CDH18: variants seen among roughly 807,000 people sequenced by gnomAD.
CDH18 encodes cadherin 18, also known as cadherin-18.
Under a neutral mutation model 67.9 loss-of-function variants are expected in CDH18, and 31 were observed. The ratio of observed to expected loss-of-function variants is 0.46; its 90% confidence interval spans 0.34 to 0.62. CDH18 has a LOEUF of 0.62. Among genes scored for constraint, CDH18 ranks in the 20% least tolerant of loss-of-function variants. CDH18 has a pLI of 0.01. For synonymous variants in CDH18, 362 were observed against 347.2 expected (o/e 1.04, Z -0.48); for missense variants, 890 against 975.5 (o/e 0.91, Z 1.17).
intron 2 of CDH18, among the ~76,000 whole-genome samples, chr5:19,856,528 A>C (rs2149954768): frequency 6.6e-6 from 1 of 152,266 alleles, no homozygotes; most frequent in Non-Finnish European, 1.5e-5. Context: ...AGATTTGTAA[A>C]GTATCACTGT....
At chr5:20,305,172 T>C in intron 1 of CDH18, 1 of 1,433,956 alleles carries the variant, frequency 7.0e-7, no homozygotes. Context: ...GGGCGCTGGT[T>C]ATGTTGTTTC....
chr5:19,640,338 G>A (rs1358930888), intron 5 of CDH18, among the ~76,000 whole-genome samples: 1 of 152,094 alleles, frequency 6.6e-6, no homozygotes, highest in Non-Finnish European at 1.5e-5. Context: ...TTATATGTGG[G>A]TGAGGAGTAA....
At chr5:20,016,686 G>C (rs1737911070) in intron 2 of CDH18, among the ~76,000 whole-genome samples, 1 of 152,092 alleles carries the variant, frequency 6.6e-6, no homozygotes, top group Admixed American at 6.6e-5. Flanking sequence ...CCAATATTTA[G>C]TGAACAATGC....
intron 2 of CDH18, among the ~76,000 whole-genome samples, chr5:20,027,103 C>CT (rs1291486692): frequency 6.6e-6 from 1 of 151,514 alleles, no homozygotes; most frequent in African/African-American, 2.4e-5. Flanking sequence ...TACCTTGTTG[C>CT]TTTTATAAAT....
rs1379565564 is a variant in CDH18 at position 19,994,734 on chromosome 5, TATATAGAGAGAGAGAGAGAG to T, written c.-517-2740_-517-2721del. ...ATATATATATATATATATATATATA[TATATAGAGAGAGAGAGAGAG>T]AGAGAGAGAGAGAGAGAGAGAGAGA... On this transcript the variant is annotated intron_variant, in intron 2 of 14. Coordinates refer to the CDH18 transcript ENST00000507958. 6.5e-3 allele frequency among the ~76,000 whole-genome samples: 64 copies of T among 9,910 alleles called. 2 individuals carry two copies. The highest frequency in any genetic ancestry group is 0.011 in the African/African-American group (25 of 2,306). 6.5% of individuals were successfully genotyped at this position (9,910 alleles called of 152,430 possible). A position where few individuals can be genotyped will look rare whatever the true frequency, so the allele number is the denominator to read the frequency against.
intron 1 of CDH18, among the ~76,000 whole-genome samples, chr5:20,374,201 A>G (rs1050293359): frequency 6.6e-6 from 1 of 152,188 alleles, no homozygotes; most frequent in African/African-American, 2.4e-5. Context: ...TCTGTTCCCC[A>G]ACCACTACAC....
intron 5 of CDH18, among the ~76,000 whole-genome samples, chr5:19,623,545 T>C (rs1751025555): frequency 6.6e-6 from 1 of 152,164 alleles, no homozygotes; most frequent in Admixed American, 6.6e-5. Flanking sequence ...TATAGACATA[T>C]GATGCTTATT....
intron 1 of CDH18, chr5:20,305,292 A>G: frequency 6.7e-7 from 1 of 1,502,540 alleles, no homozygotes; most frequent in African/African-American, 1.4e-5. Context: ...AGCCTCCTCT[A>G]CTGTCAGATT....
intron 2 of CDH18, among the ~76,000 whole-genome samples, chr5:20,154,926 C>T (rs1480385307): frequency 2.0e-5 from 3 of 152,120 alleles, no homozygotes; most frequent in Non-Finnish European, 4.4e-5. Flanking sequence ...CTTGAAGACA[C>T]TGCATTTTTT....
chr5:20,055,760 T>G (rs1741843211), intron 2 of CDH18, among the ~76,000 whole-genome samples: 1 of 152,178 alleles, frequency 6.6e-6, no homozygotes, highest in Non-Finnish European at 1.5e-5. Context: ...TAGAGGATTT[T>G]TTTGAAGAAA....
At chr5:19,798,310 G>A (rs185892447) in intron 3 of CDH18, among the ~76,000 whole-genome samples, 31 of 151,840 alleles carry the variant, frequency 2.0e-4, no homozygotes, top group Admixed American at 1.3e-3. Context: ...TGCCAATGAG[G>A]GGTATTGGGA....
chr5:20,228,187 T>C (rs1007592850), intron 2 of CDH18, among the ~76,000 whole-genome samples: 1 of 152,032 alleles, frequency 6.6e-6, no homozygotes, highest in Non-Finnish European at 1.5e-5. Context: ...CTTGAACTCA[T>C]ATTTTTGCCA....
intron 2 of CDH18, among the ~76,000 whole-genome samples, chr5:20,057,238 C>T (rs983581823): frequency 6.6e-6 from 1 of 151,902 alleles, no homozygotes; most frequent in African/African-American, 2.4e-5. Flanking sequence ...TAATCCCTAT[C>T]ATGACAATCA....
chr5:19,670,502 C>T lies in CDH18; in HGVS notation c.643+50845G>A, dbSNP rs188327315. Among the ~76,000 whole-genome samples, 316 of 152,132 alleles carry T rather than the reference C, an allele frequency of 2.1e-3. 1 individual carries two copies. Among genetic ancestry groups the T allele is most frequent in the South Asian group, 4.2e-3 (20 of 4,816 alleles). ...CCTGTGCCATGCAGGACAAATGTAA[C>T]GTTTATCTCTAAGGATTGGAGAATA... On this transcript the variant is annotated intron_variant, in intron 5 of 12. Coordinates refer to ENST00000382275, the MANE Select transcript of CDH18 (RefSeq NM_004934.5).
chr5:19,477,639 T>C (rs901501190), intron 12 of CDH18, among the ~76,000 whole-genome samples: 2 of 152,062 alleles, frequency 1.3e-5, no homozygotes, highest in African/African-American at 4.8e-5. Flanking sequence ...TGAGTGCAGA[T>C]AATAATTATA....
At chr5:19,756,393 C>A (rs971044018) in intron 3 of CDH18, among the ~76,000 whole-genome samples, 1 of 152,170 alleles carries the variant, frequency 6.6e-6, no homozygotes, top group Non-Finnish European at 1.5e-5. Flanking sequence ...CTTCTACTAC[C>A]TATTCTGTAT....
At chr5:20,410,193 T>C (rs896986949) in intron 1 of CDH18, among the ~76,000 whole-genome samples, 5 of 25,048 alleles carry the variant, frequency 2.0e-4, no homozygotes, top group African/African-American at 3.9e-4. Flanking sequence ...AAAGGAAAAC[T>C]ACAGACAATA....
intron 5 of CDH18, among the ~76,000 whole-genome samples, chr5:19,649,605 A>G (rs1755273034): frequency 6.6e-6 from 1 of 152,096 alleles, no homozygotes; most frequent in South Asian, 2.1e-4. Context: ...TACCTGCAAT[A>G]GACACTTTAA....
At chr5:20,390,318 A>C (rs922879870) in intron 1 of CDH18, among the ~76,000 whole-genome samples, 2 of 152,236 alleles carry the variant, frequency 1.3e-5, no homozygotes, top group Admixed American at 6.5e-5. Flanking sequence ...TCCATCAAAA[A>C]GTAGGCAAAG....
Sources: gnomAD v4.1 joint callset for allele counts (sites outside exome capture counted in the v4.1 genomes callset) on GRCh38, gnomAD v4.1.1 for gene constraint, MANE v1.5 for transcripts, NCBI Gene and HGNC (gene_info 2026-07-23, HGNC 2026-07-21) for gene names.